PACS1: variants seen among roughly 807,000 people sequenced by gnomAD.
PACS1 encodes phosphofurin acidic cluster sorting protein 1.
PACS1 carries 24 observed loss-of-function variants against 115.0 expected under a neutral mutation model. That is an observed-to-expected ratio of 0.21 (90% CI 0.15 to 0.29). The LOEUF (loss-of-function observed/expected upper bound fraction) is 0.29, where lower values mean the gene tolerates loss of function less well. Among genes scored for constraint, PACS1 ranks in the 10% least tolerant of loss-of-function variants. The pLI is 1.00. For synonymous variants in PACS1, 453 were observed against 504.5 expected (o/e 0.90, Z 1.37); for missense variants, 838 against 1,251.2 (o/e 0.67, Z 4.98).
chr11:66,227,708 T>TCCTG, intron 11 of PACS1, 124 bp downstream of exon 11: 2 of 596,398 alleles, frequency 3.4e-6, no homozygotes, highest in Non-Finnish European at 3.0e-6. Flanking sequence ...CTTATGAATG[T>TCCTG]CCTGCACTCT....
At chr11:66,204,612 A>G (rs1565145964) in intron 2 of PACS1, among the ~76,000 whole-genome samples, 1 of 152,230 alleles carries the variant, frequency 6.6e-6, no homozygotes, top group Non-Finnish European at 1.5e-5. Context: ...ATGGAGTACT[A>G]TGCAGCCATA....
At chr11:66,109,360 C>T (rs916276996) in intron 1 of PACS1, among the ~76,000 whole-genome samples, 7 of 152,066 alleles carry the variant, frequency 4.6e-5, no homozygotes, top group Admixed American at 3.9e-4. Flanking sequence ...GAGTTTGAGA[C>T]CAGCATGGGC....
chr11:66,134,096 C>T (rs193191775), intron 1 of PACS1, among the ~76,000 whole-genome samples: 24 of 152,060 alleles, frequency 1.6e-4, no homozygotes, highest in African/African-American at 5.3e-4. Flanking sequence ...TTCCAGGTTC[C>T]TCTCTGTGCT....
At chr11:66,158,418 C>T (rs1262455718) in intron 1 of PACS1, among the ~76,000 whole-genome samples, 2 of 152,214 alleles carry the variant, frequency 1.3e-5, no homozygotes, top group Non-Finnish European at 2.9e-5. Context: ...GGAAGATAGG[C>T]CGGGCGTGGT....
At chr11:66,215,212 G>A (rs916670185) in intron 4 of PACS1, among the ~76,000 whole-genome samples, 3 of 152,076 alleles carry the variant, frequency 2.0e-5, no homozygotes, top group Non-Finnish European at 4.4e-5. Flanking sequence ...GATTACAGGT[G>A]TGAGCCACCA....
Position 66,238,836 on chromosome 11 carries a change from C to T in PACS1, c.2283C>T (p.Pro761=), listed in dbSNP as rs115633244. The T allele has an allele frequency of 1.1e-4, 168 of 1,584,152 alleles. 1 individual carries two copies. In the East Asian group the frequency reaches 3.8e-3, roughly 36 times the overall value. The change falls in exon 20 of 24, where the codon CCC becomes CCT. Residue 761 remains proline (P), a synonymous_variant. Coordinates refer to ENST00000320580, the MANE Select transcript of PACS1 (RefSeq NM_018026.4). ...AGGTGGGTCTGGTTGAAGACTCTCC[C>T]TCCACAGCAGGTGAGGCTGGGGCTC... The part of the protein sequence containing the change: ...VVKVGLVEDS[P]STAGDGDDSP...
intron 1 of PACS1, among the ~76,000 whole-genome samples, chr11:66,167,381 G>A (rs1370419005): frequency 7.9e-6 from 1 of 127,094 alleles, no homozygotes; most frequent in African/African-American, 3.3e-5. Context: ...CTGTGATCCA[G>A]GCTGGAGTGC....
chr11:66,151,176 A>G (rs1326354840), intron 1 of PACS1, among the ~76,000 whole-genome samples: 1 of 151,782 alleles, frequency 6.6e-6, no homozygotes, highest in East Asian at 1.9e-4. Context: ...AATAAAAACC[A>G]GCCAACCAAT....
chr11:66,079,250 G>T (rs1483737763), intron 1 of PACS1, among the ~76,000 whole-genome samples: 1 of 143,418 alleles, frequency 7.0e-6, no homozygotes, highest in Non-Finnish European at 1.5e-5. Flanking sequence ...TTCTGTATCT[G>T]TCTGTGAGTT....
At chr11:66,198,927 T>C (rs919294727) in intron 2 of PACS1, among the ~76,000 whole-genome samples, 6 of 152,240 alleles carry the variant, frequency 3.9e-5, no homozygotes, top group Non-Finnish European at 4.4e-5. Context: ...TCTGTTTTAA[T>C]TCATAATATG....
At chr11:66,084,105 G>A (rs529728057) in intron 1 of PACS1, 3 of 152,502 alleles carry the variant, frequency 2.0e-5, no homozygotes, top group African/African-American at 7.2e-5. Flanking sequence ...AAATATTAGG[G>A]TGTGTTGGAC....
Position 66,070,624 on chromosome 11 carries a change from G to T in PACS1, c.138G>T (p.Thr46=). The T allele has an allele frequency of 1.9e-6, 3 of 1,543,036 alleles. No homozygotes were observed. Among genetic ancestry groups the T allele is most frequent in the East Asian group, 2.6e-5 (1 of 38,478 alleles). ...AGCAGCAGCCGCCGCAGCAGCCGAC[G>T]CCCCCCAAGCTGGCCCAGGCCACCT... ...QQQQQPPQQP[T]PPKLAQATSS... The change falls in exon 1 of 24, where the codon ACG becomes ACT. Residue 46 remains threonine (T), a synonymous_variant. Transcript: ENST00000320580. The surrounding 1 kb of genome is among the most constrained non-coding windows in gnomAD (Gnocchi z 5.9).
chr11:66,141,444 A>G (rs1335900720), intron 1 of PACS1, among the ~76,000 whole-genome samples: 1 of 152,098 alleles, frequency 6.6e-6, no homozygotes, highest in Non-Finnish European at 1.5e-5. Flanking sequence ...ACCTGAGATC[A>G]GGAGTTTGAG....
At chr11:66,225,214 G>C (rs768156973) in intron 10 of PACS1, among the ~76,000 whole-genome samples, 2 of 152,054 alleles carry the variant, frequency 1.3e-5, no homozygotes, top group Non-Finnish European at 2.9e-5. Context: ...TCTCTGACAC[G>C]GGCCTACACT....
Position 66,070,466 on chromosome 11 carries a change from TA to T in PACS1, c.-19del. ...CAGATCGGCGTCGCCTCGGCCTCCG[TA>T]ACCCCCGCCTAGCCGGGCCATGGCG... is the stretch of plus-strand genomic sequence containing the variant. On this transcript the variant is annotated 5_prime_UTR_variant, in exon 1 of 24. Coordinates refer to ENST00000320580, the MANE Select transcript of PACS1 (RefSeq NM_018026.4). This position sits in a 1 kb window ranked among gnomAD's most constrained non-coding sequence, Gnocchi z 5.9. The T allele has an allele frequency of 2.4e-6, 3 of 1,245,312 alleles. No homozygotes were observed. Among genetic ancestry groups the T allele is most frequent in the Non-Finnish European group, 2.0e-6 (2 of 995,316 alleles). The allele number at this position is 1,245,312 out of a possible 1,614,324, so 77.1% of individuals were successfully genotyped here. A position where few individuals can be genotyped will look rare whatever the true frequency, so the allele number is the denominator to read the frequency against.
intron 1 of PACS1, among the ~76,000 whole-genome samples, chr11:66,170,998 A>C (rs1197604218): frequency 6.7e-6 from 1 of 150,128 alleles, no homozygotes; most frequent in African/African-American, 2.5e-5. Context: ...GTATGTTTGA[A>C]AAGATTGTGT....
chr11:66,087,348 C>G (rs1244374342), intron 1 of PACS1, among the ~76,000 whole-genome samples: 1 of 152,078 alleles, frequency 6.6e-6, no homozygotes, highest in East Asian at 1.9e-4. Context: ...TCAAGTGATT[C>G]TCCTGCCTCA....
intron 1 of PACS1, among the ~76,000 whole-genome samples, chr11:66,121,956 A>G (rs1220809701): frequency 6.6e-6 from 1 of 152,212 alleles, no homozygotes; most frequent in Non-Finnish European, 1.5e-5. Context: ...TACACTAAAC[A>G]ACAGATTTTC....
intron 1 of PACS1, among the ~76,000 whole-genome samples, chr11:66,090,544 C>T (rs1857643477): frequency 6.6e-6 from 1 of 152,130 alleles, no homozygotes; most frequent in South Asian, 2.1e-4. Flanking sequence ...GCTGGGATTA[C>T]AGGCATCAGC....
Sources: gnomAD v4.1 joint callset for allele counts (sites outside exome capture counted in the v4.1 genomes callset) on GRCh38, gnomAD v4.1.1 for gene constraint, Gnocchi (gnomAD v3.1) non-coding constraint, MANE v1.5 for transcripts, NCBI Gene and HGNC (gene_info 2026-07-23, HGNC 2026-07-21) for gene names.